Variants in CSMD1 observed in about 807,000 individuals in gnomAD.
The protein encoded by CSMD1 is CUB and sushi domain-containing protein 1.
A neutral mutation model predicts 417.5 loss-of-function variants in CSMD1; 213 were observed. That is an observed-to-expected ratio of 0.51 (90% CI 0.46 to 0.57). The LOEUF (loss-of-function observed/expected upper bound fraction) is 0.57. Among genes scored for constraint, CSMD1 ranks in the 20% least tolerant of loss-of-function variants. The pLI is 0.00. For missense variants in CSMD1, 6,923 were observed against 4,529.7 expected (o/e 1.53, Z -15.17); for synonymous variants, 2,862 against 1,736.8 (o/e 1.65, Z -16.11).
At chr8:4,018,951 T>C (rs1243074764) in intron 4 of CSMD1, among the ~76,000 whole-genome samples, 1 of 152,214 alleles carries the variant, frequency 6.6e-6, no homozygotes, top group African/African-American at 2.4e-5. Flanking sequence ...CATGTAAACA[T>C]TGTCTGACAT....
intron 5 of CSMD1, among the ~76,000 whole-genome samples, chr8:3,829,151 C>G (rs1053590789): frequency 2.0e-5 from 3 of 152,100 alleles, no homozygotes; most frequent in African/African-American, 7.2e-5. Flanking sequence ...ACACTGCACT[C>G]TATTTGTTGT....
chr8:4,876,727 C>A (rs1407810525), intron 1 of CSMD1, among the ~76,000 whole-genome samples: 1 of 152,052 alleles, frequency 6.6e-6, no homozygotes, highest in African/African-American at 2.4e-5. Context: ...ATCATGACCT[C>A]TTTCTTGTGT....
Position 3,469,829 on chromosome 8 carries a change from T to C in CSMD1, c.1449-1005A>G, listed in dbSNP as rs377655504. 2.0e-4 allele frequency among the ~76,000 whole-genome samples: 31 copies of C among 152,348 alleles called. No homozygotes were observed. The East Asian group carries it at 2.3e-3, about 11-fold the overall frequency. Reference sequence around the variant, plus strand: ...TAACTCATGCAATGTTACACACAAATTGAAAAGAGGAAACTATTTCTGTGA... The same window carrying C: ...TAACTCATGCAATGTTACACACAAACTGAAAAGAGGAAACTATTTCTGTGA... On this transcript the variant is annotated intron_variant, in intron 11 of 69. Transcript: ENST00000635120.
rs547701682 is a variant in CSMD1, at chr8:3,944,698, C to G, written c.818+53205G>C. 3.3e-5 allele frequency among the ~76,000 whole-genome samples: 5 copies of G among 152,248 alleles called. No individual in the cohort carries two copies. In the East Asian group the frequency reaches 5.8e-4, roughly 18 times the overall value. On this transcript the variant is annotated intron_variant, in intron 5 of 69. Transcript: ENST00000635120. ...AATAAAAAGATCTATGTTGAAAATG[C>G]CTCAGGACATTTGTCTCTTGACAAT...
At chr8:2,987,143 T>C (rs996066088) in intron 54 of CSMD1, among the ~76,000 whole-genome samples, 2 of 152,204 alleles carry the variant, frequency 1.3e-5, no homozygotes, top group South Asian at 4.1e-4. Context: ...ACTGATAAAA[T>C]AATAAACAGC....
At chr8:2,996,930 A>G (rs565500877) in intron 54 of CSMD1, among the ~76,000 whole-genome samples, 4 of 152,374 alleles carry the variant, frequency 2.6e-5, no homozygotes, top group African/African-American at 9.6e-5. Context: ...ATGTTTGGAT[A>G]CAATGAAAGC....
intron 3 of CSMD1, among the ~76,000 whole-genome samples, chr8:4,047,514 A>G (rs552910241): frequency 7.7e-6 from 1 of 130,222 alleles, no homozygotes; most frequent in East Asian, 2.1e-4. Flanking sequence ...CAACATTGTG[A>G]TATGTCATTC....
At chr8:4,323,653 G>C (rs1034992922) in intron 3 of CSMD1, among the ~76,000 whole-genome samples, 1 of 152,070 alleles carries the variant, frequency 6.6e-6, no homozygotes, top group Non-Finnish European at 1.5e-5. Context: ...ACAAATAAGG[G>C]GCAGTGGACT....
At chr8:4,953,843 C>T (rs1026014633) in intron 1 of CSMD1, among the ~76,000 whole-genome samples, 15 of 151,994 alleles carry the variant, frequency 9.9e-5, no homozygotes, top group African/African-American at 3.6e-4. Flanking sequence ...ATCTGGGATC[C>T]CTGTTCAAAT....
chr8:3,044,339 A>G (rs1030081021), intron 50 of CSMD1, among the ~76,000 whole-genome samples: 1 of 151,426 alleles, frequency 6.6e-6, no homozygotes, highest in African/African-American at 2.4e-5. Flanking sequence ...GTGACCTACC[A>G]CATTTAAGAT....
chr8:2,954,659 C>T (rs1802876765), intron 64 of CSMD1, among the ~76,000 whole-genome samples: 1 of 152,120 alleles, frequency 6.6e-6, no homozygotes, highest in Non-Finnish European at 1.5e-5. Flanking sequence ...CAATACCCCA[C>T]CCAAATCAAT....
At chr8:4,225,691 A>G (rs574404846) in intron 3 of CSMD1, among the ~76,000 whole-genome samples, 1 of 152,288 alleles carries the variant, frequency 6.6e-6, no homozygotes, top group African/African-American at 2.4e-5. Flanking sequence ...AAACTGTCTC[A>G]CCAGGCAAGG....
chr8:4,401,502 G>C (rs146309285), intron 3 of CSMD1, among the ~76,000 whole-genome samples: 8 of 152,228 alleles, frequency 5.3e-5, no homozygotes, highest in South Asian at 2.1e-4. Context: ...CCAGAGAGGA[G>C]AACCTCCCAG....
intron 4 of CSMD1, among the ~76,000 whole-genome samples, chr8:4,014,095 C>T (rs1190712936): frequency 6.6e-6 from 1 of 152,114 alleles, no homozygotes; most frequent in Non-Finnish European, 1.5e-5. Flanking sequence ...TTTCAATGCC[C>T]TCAAACTCAG....
At chr8:4,823,224 C>T (rs1287213109) in intron 1 of CSMD1, among the ~76,000 whole-genome samples, 1 of 151,980 alleles carries the variant, frequency 6.6e-6, no homozygotes, top group Admixed American at 6.6e-5. Context: ...AATGTCTAAA[C>T]TCTTTAATTG....
chr8:4,327,629 A>T, intron 3 of CSMD1, among the ~76,000 whole-genome samples: 1 of 152,266 alleles, frequency 6.6e-6, no homozygotes, highest in South Asian at 2.1e-4. Flanking sequence ...GCCCCCAAAA[A>T]CAACAACAAC....
intron 4 of CSMD1, among the ~76,000 whole-genome samples, chr8:4,004,784 G>T (rs1261554027): frequency 6.6e-6 from 1 of 151,992 alleles, no homozygotes; most frequent in African/African-American, 2.4e-5. Context: ...TCACTCTGTT[G>T]CCCAGGCTGG....
chr8:3,830,365 G>A (rs537682145), intron 5 of CSMD1, among the ~76,000 whole-genome samples: 1 of 152,206 alleles, frequency 6.6e-6, no homozygotes, highest in African/African-American at 2.4e-5. Context: ...CTCAGAGGTT[G>A]CTTTCCCTCA....
chr8:3,052,701 C>T (rs6420209), intron 49 of CSMD1, 54 bp from the exon 50 acceptor site: 1,266,467 of 1,271,212 alleles, frequency 1, 631,020 homozygotes, highest in East Asian at 1. Flanking sequence ...TATTTTCCAG[C>T]TATTAAAACC....
Sources: allele counts gnomAD v4.1 joint callset (sites outside exome capture counted in the v4.1 genomes callset), GRCh38; gene constraint gnomAD v4.1.1; transcripts MANE v1.5; gene names NCBI Gene and HGNC (gene_info 2026-07-23, HGNC 2026-07-21).